Variants in KIZ observed in about 807,000 individuals in gnomAD.
The protein encoded by KIZ is kizuna centrosomal protein.
KIZ carries 68 observed loss-of-function variants against 79.6 expected under a neutral mutation model. The ratio of observed to expected loss-of-function variants is 0.85; its 90% CI spans 0.70 to 1.05. The LOEUF is 1.05. Ranked by LOEUF, KIZ falls within the 50% of genes least tolerant of loss-of-function variation. The probability of loss-of-function intolerance (pLI) is 0.00; values close to 1 mark genes in which losing one functional copy is unlikely to be tolerated. For missense variants in KIZ, 797 were observed against 800.4 expected (o/e 1.00, Z 0.05); for synonymous variants, 280 against 281.8 (o/e 0.99, Z 0.06).
intron 7 of KIZ, among the ~76,000 whole-genome samples, chr20:21,210,603 C>T (rs1024230039): frequency 7.2e-5 from 11 of 152,076 alleles, no homozygotes; most frequent in Non-Finnish European, 1.0e-4. Context: ...TTTCTTAGAA[C>T]GAATTCCTAG....
At chr20:21,226,728 CA>C (rs375781599) in intron 9 of KIZ, among the ~76,000 whole-genome samples, 172 of 152,334 alleles carry the variant, frequency 1.1e-3, no homozygotes, top group African/African-American at 4.1e-3. Context: ...GAGGGAATCA[CA>C]CTGGGATTGG....
chr20:21,161,182 G>A (rs1437330608), intron 4 of KIZ, among the ~76,000 whole-genome samples: 2 of 152,106 alleles, frequency 1.3e-5, no homozygotes, highest in African/African-American at 4.8e-5. Flanking sequence ...AGGGCTGTTT[G>A]TCTTTTTATT....
intron 1 of KIZ, among the ~76,000 whole-genome samples, chr20:21,131,465 T>G (rs2031837755): frequency 2.0e-5 from 3 of 152,102 alleles, no homozygotes; most frequent in Non-Finnish European, 4.4e-5. Context: ...TTTTCAGAGG[T>G]CTTTCTCTAT....
chr20:21,161,774 CTTTG>C (rs2033669338), intron 4 of KIZ, 93 bp from the exon 5 acceptor site: 2 of 770,682 alleles, frequency 2.6e-6, no homozygotes, highest in Non-Finnish European at 4.2e-6. Flanking sequence ...AATAATCATG[CTTTG>C]TTTGACCTCC....
intron 10 of KIZ, 142 bp from the exon 11 acceptor site, chr20:21,232,592 C>A (rs2036869429): frequency 3.5e-6 from 2 of 574,000 alleles, no homozygotes; most frequent in East Asian, 5.7e-5. Flanking sequence ...GCCTCAGAAG[C>A]TCCCTTGCCT....
chr20:21,238,091 A>G (rs971962720), intron 11 of KIZ, among the ~76,000 whole-genome samples: 18 of 152,080 alleles, frequency 1.2e-4, no homozygotes, highest in African/African-American at 4.3e-4. Flanking sequence ...TCGGCCTCCC[A>G]AAGTGCTGGG....
chr20:21,208,873 A>G (rs1197851966), intron 7 of KIZ, among the ~76,000 whole-genome samples: 2 of 152,180 alleles, frequency 1.3e-5, no homozygotes, highest in Non-Finnish European at 2.9e-5. Context: ...TGCATGTCAT[A>G]CTTTTCCGAT....
intron 6 of KIZ, among the ~76,000 whole-genome samples, chr20:21,202,142 A>G (rs2035623075): frequency 6.6e-6 from 1 of 152,228 alleles, no homozygotes; most frequent in Admixed American, 6.5e-5. Context: ...TGTATTAGTA[A>G]CAAGAGTCTT....
At chr20:21,140,590 A>T (rs1262927961) in intron 3 of KIZ, among the ~76,000 whole-genome samples, 2 of 152,186 alleles carry the variant, frequency 1.3e-5, no homozygotes, top group African/African-American at 4.8e-5. Context: ...CTTTTAAAGG[A>T]TATTGACGTG....
At chr20:21,128,633 T>C (rs1346223777) in intron 1 of KIZ, among the ~76,000 whole-genome samples, 4 of 152,254 alleles carry the variant, frequency 2.6e-5, no homozygotes, top group Non-Finnish European at 5.9e-5. Flanking sequence ...TTCTGCATTG[T>C]GGTGAAAGTC....
intron 9 of KIZ, among the ~76,000 whole-genome samples, chr20:21,222,901 A>AG (rs955292193): frequency 7.2e-5 from 11 of 152,232 alleles, no homozygotes; most frequent in African/African-American, 2.7e-4. Context: ...AGGTTCTGGG[A>AG]GGACATGAGT....
intron 9 of KIZ, among the ~76,000 whole-genome samples, chr20:21,228,453 C>T (rs959601772): frequency 6.6e-6 from 1 of 152,156 alleles, no homozygotes; most frequent in African/African-American, 2.4e-5. Flanking sequence ...CCTGTGGACA[C>T]CTGGCTTTGC....
At chr20:21,219,600 G>A (rs150863145) in intron 9 of KIZ, among the ~76,000 whole-genome samples, 5 of 152,310 alleles carry the variant, frequency 3.3e-5, no homozygotes, top group Admixed American at 3.3e-4. Context: ...TTATAGGCAT[G>A]AGCCACCTTG....
intron 6 of KIZ, among the ~76,000 whole-genome samples, chr20:21,176,650 C>T (rs1600460475): frequency 6.6e-6 from 1 of 151,472 alleles, no homozygotes; most frequent in Admixed American, 6.6e-5. Flanking sequence ...TTGGATTTTT[C>T]AGACTAGGAA....
chr20:21,170,346 T>G (rs1198294452), intron 6 of KIZ, among the ~76,000 whole-genome samples: 1 of 152,184 alleles, frequency 6.6e-6, no homozygotes, highest in African/African-American at 2.4e-5. Flanking sequence ...AAATTATTAT[T>G]TACTATAGTC....
chr20:21,163,815 G>A (rs1030944978), intron 6 of KIZ, among the ~76,000 whole-genome samples: 4 of 152,134 alleles, frequency 2.6e-5, no homozygotes, highest in East Asian at 1.9e-4. Flanking sequence ...GATTGGAGAC[G>A]CTAGAAGAAA....
chr20:21,246,240 A>C (rs954547713), intron 12 of KIZ: 1 of 505,340 alleles, frequency 2.0e-6, no homozygotes, highest in African/African-American at 2.0e-5. Flanking sequence ...AACAGAAGGG[A>C]AAAGGAAGTA....
At chr20:21,138,075 A>ATAT (rs11472133) in intron 3 of KIZ, among the ~76,000 whole-genome samples, 90,651 of 151,718 alleles carry the variant, frequency 0.6, 28,013 homozygotes, top group South Asian at 0.77. Flanking sequence ...CCCAGACATA[A>ATAT]TATTTAATTT....
chr20:21,171,871 T>C (rs1055230882), intron 6 of KIZ, among the ~76,000 whole-genome samples: 1 of 152,240 alleles, frequency 6.6e-6, no homozygotes, highest in Non-Finnish European at 1.5e-5. Flanking sequence ...TCTAGGCAGC[T>C]GTGCTGAAGA....
Sources: allele counts gnomAD v4.1 joint callset (sites outside exome capture counted in the v4.1 genomes callset), GRCh38; gene constraint gnomAD v4.1.1; transcripts MANE v1.5; gene names NCBI Gene and HGNC (gene_info 2026-07-23, HGNC 2026-07-21).